The following MECOM variants were observed in gnomAD, a reference collection of about 807,000 sequenced individuals.
The protein encoded by MECOM is MDS1 and EVI1 complex locus.
Under a neutral mutation model 116.3 loss-of-function variants are expected in MECOM, and 13 were observed. That is an observed-to-expected ratio of 0.11 (90% confidence interval 0.07 to 0.18). The LOEUF is 0.18. Ranked by LOEUF, MECOM falls within the 10% of genes least tolerant of loss-of-function variation. MECOM has a pLI of 1.00. For missense variants in MECOM, 1,299 were observed against 1,509.0 expected (o/e 0.86, Z 2.31); for synonymous variants, 528 against 535.2 (o/e 0.99, Z 0.19).
chr3:169,143,089 G>T (rs1490300195), intron 3 of MECOM, among the ~76,000 whole-genome samples: 1 of 151,826 alleles, frequency 6.6e-6, no homozygotes, highest in Non-Finnish European at 1.5e-5. Flanking sequence ...CACAGTTATT[G>T]TTATTAAAGT....
At chr3:169,267,827 C>T (rs571285499) in intron 2 of MECOM, among the ~76,000 whole-genome samples, 9 of 151,946 alleles carry the variant, frequency 5.9e-5, no homozygotes, top group South Asian at 4.2e-4. Context: ...TAGAGAAACA[C>T]GAATAATCAC....
intron 2 of MECOM, among the ~76,000 whole-genome samples, chr3:169,284,446 G>T (rs1712837186): frequency 6.6e-6 from 1 of 152,072 alleles, no homozygotes; most frequent in African/African-American, 2.4e-5. Flanking sequence ...TGGTGGAGGA[G>T]AAGGATTTTT....
Position 169,436,904 on chromosome 3 carries a change from A to T in MECOM, c.38-55380T>A, listed in dbSNP as rs908657225. ...CTGAAAATACTTGAGCTTGAACGAC[A>T]TAACAGGATTATTTTATTCATTAGA... is the stretch of plus-strand genomic sequence containing the variant. On this transcript the variant is annotated intron_variant, in intron 1 of 16. Coordinates refer to ENST00000651503, the MANE Select transcript of MECOM (RefSeq NM_004991.4). Among the ~76,000 whole-genome samples the T allele has an allele frequency of 6.6e-5, 10 of 152,296 alleles. No homozygotes were observed. In the South Asian group the frequency reaches 1.7e-3, roughly 25 times the overall value.
intron 1 of MECOM, among the ~76,000 whole-genome samples, chr3:169,597,401 C>T (rs1560476695): frequency 1.3e-5 from 2 of 152,134 alleles, no homozygotes; most frequent in Admixed American, 6.5e-5. Context: ...AGGGAGGTGA[C>T]GGAAAGCTGC....
At chr3:169,534,378 T>A (rs1215803503) in intron 1 of MECOM, among the ~76,000 whole-genome samples, 1 of 152,184 alleles carries the variant, frequency 6.6e-6, no homozygotes, top group Non-Finnish European at 1.5e-5. Context: ...AATAACCCCC[T>A]GGATAAAGCA....
chr3:169,430,609 T>C (rs1390038358), intron 1 of MECOM, among the ~76,000 whole-genome samples: 2 of 152,194 alleles, frequency 1.3e-5, no homozygotes, highest in Non-Finnish European at 2.9e-5. Context: ...TCCCGCACTA[T>C]TTCCTAGTAA....
chr3:169,191,736 GAAAGAGAAAGA>G (rs1347924212), intron 2 of MECOM, among the ~76,000 whole-genome samples: 2 of 31,174 alleles, frequency 6.4e-5, no homozygotes, highest in Admixed American at 8.1e-4. Context: ...AAGAAAGAAA[GAAAGAGAAAGA>G]AAGAAAGAAA....
At chr3:169,285,382 C>G (rs767278311) in intron 2 of MECOM, among the ~76,000 whole-genome samples, 4 of 152,218 alleles carry the variant, frequency 2.6e-5, no homozygotes, top group Non-Finnish European at 5.9e-5. Flanking sequence ...ACAGACCCCA[C>G]CAGAGCTTTC....
chr3:169,180,794 GATAT>G (rs10576266), intron 2 of MECOM, among the ~76,000 whole-genome samples: 16,770 of 108,890 alleles, frequency 0.15, 3,448 homozygotes, highest in African/African-American at 0.41. Context: ...GTGTGGAGAT[GATAT>G]ATATATATAT....
intron 2 of MECOM, among the ~76,000 whole-genome samples, chr3:169,366,454 C>T (rs974512703): frequency 6.6e-5 from 10 of 151,930 alleles, no homozygotes; most frequent in Non-Finnish European, 1.5e-4. Context: ...ACAGTACATT[C>T]ACATAAGGAG....
chr3:169,650,810 A>G (rs1774804914), intron 1 of MECOM, among the ~76,000 whole-genome samples: 6 of 151,918 alleles, frequency 3.9e-5, no homozygotes. Context: ...GGTTTGGGGA[A>G]CTTCTCTGTC....
At chr3:169,172,724 A>G (rs1162317569) in intron 2 of MECOM, among the ~76,000 whole-genome samples, 1 of 152,190 alleles carries the variant, frequency 6.6e-6, no homozygotes, top group Non-Finnish European at 1.5e-5. Context: ...GATTTCTAAC[A>G]TGGTATCATG....
intron 2 of MECOM, among the ~76,000 whole-genome samples, chr3:169,272,717 G>A (rs961815952): frequency 1.3e-5 from 2 of 152,024 alleles, no homozygotes; most frequent in Admixed American, 6.6e-5. Context: ...ACACCTGGCC[G>A]GCCCCTGTGA....
chr3:169,244,309 G>T (rs114846160), intron 2 of MECOM, among the ~76,000 whole-genome samples: 2 of 152,224 alleles, frequency 1.3e-5, no homozygotes, highest in Non-Finnish European at 2.9e-5. Flanking sequence ...TGCTGCAAAT[G>T]TTCTGGTGTA....
At chr3:169,621,272 T>TA (rs1193969944) in intron 1 of MECOM, among the ~76,000 whole-genome samples, 1 of 152,220 alleles carries the variant, frequency 6.6e-6, no homozygotes, top group African/African-American at 2.4e-5. Context: ...TCCTAATCTA[T>TA]AGAATGGGCA....
intron 1 of MECOM, among the ~76,000 whole-genome samples, chr3:169,406,442 G>T (rs186636086): frequency 6.6e-6 from 1 of 152,284 alleles, no homozygotes; most frequent in Non-Finnish European, 1.5e-5. Context: ...CCTTGAAAGA[G>T]CCACAAGTAT....
intron 3 of MECOM, among the ~76,000 whole-genome samples, chr3:169,134,734 T>A (rs181110862): frequency 1.3e-5 from 2 of 152,228 alleles, no homozygotes; most frequent in Non-Finnish European, 2.9e-5. Flanking sequence ...CCCAAAAGTA[T>A]AATTTGAATC....
At chr3:169,271,256 G>GC (rs1330531489) in intron 2 of MECOM, among the ~76,000 whole-genome samples, 5 of 152,150 alleles carry the variant, frequency 3.3e-5, no homozygotes, top group Non-Finnish European at 1.5e-5. Context: ...AGGGGTTGCA[G>GC]CCCCCAGCCC....
At chr3:169,243,834 A>G (rs1755208780) in intron 2 of MECOM, among the ~76,000 whole-genome samples, 1 of 152,132 alleles carries the variant, frequency 6.6e-6, no homozygotes, top group Non-Finnish European at 1.5e-5. Context: ...CTAAATGCAA[A>G]ATTTTACATG....
Sources: allele counts gnomAD v4.1 joint callset (sites outside exome capture counted in the v4.1 genomes callset), GRCh38; gene constraint gnomAD v4.1.1; transcripts MANE v1.5; gene names NCBI Gene and HGNC (gene_info 2026-07-23, HGNC 2026-07-21).